HPSE2: variants seen among roughly 807,000 people sequenced by gnomAD.
HPSE2 encodes heparanase 2 (inactive).
A neutral mutation model predicts 60.5 loss-of-function variants in HPSE2; 38 were observed. The ratio of observed to expected loss-of-function variants is 0.63; its 90% CI spans 0.48 to 0.82. The LOEUF is 0.82. HPSE2 is among the 40% of genes least tolerant of loss of function. The probability of loss-of-function intolerance (pLI) is 0.00; values close to 1 mark genes in which losing one functional copy is unlikely to be tolerated. For synonymous variants in HPSE2, 295 were observed against 293.2 expected (o/e 1.01, Z -0.06); for missense variants, 713 against 740.4 (o/e 0.96, Z 0.43).
chr10:98,877,127 C>T (rs1357207888), intron 3 of HPSE2, among the ~76,000 whole-genome samples: 2 of 151,776 alleles, frequency 1.3e-5, no homozygotes, highest in African/African-American at 2.4e-5. Context: ...AATGAATGAG[C>T]GTCCTTCGTT....
At chr10:99,050,971 GTA>G (rs1407371981) in intron 3 of HPSE2, among the ~76,000 whole-genome samples, 1 of 152,054 alleles carries the variant, frequency 6.6e-6, no homozygotes, top group African/African-American at 2.4e-5. Flanking sequence ...GTGTGTGTGT[GTA>G]TGGAAAAAAT....
the HPSE2 span, among the ~76,000 whole-genome samples, chr10:99,310,023 T>C: frequency 6.6e-6 from 1 of 152,222 alleles, no homozygotes; most frequent in African/African-American, 2.4e-5. Context: ...GGGAAAATTC[T>C]TTATCTCTTC....
chr10:98,586,868 A>G (rs545170413), intron 9 of HPSE2, among the ~76,000 whole-genome samples: 2 of 152,332 alleles, frequency 1.3e-5, no homozygotes, highest in East Asian at 3.9e-4. Flanking sequence ...ATTGGCGCAG[A>G]GGAATAATGG....
intron 3 of HPSE2, among the ~76,000 whole-genome samples, chr10:98,909,275 G>A (rs1326282596): frequency 1.3e-5 from 2 of 151,198 alleles, no homozygotes; most frequent in Non-Finnish European, 2.9e-5. Flanking sequence ...TTCTTTTCCT[G>A]TATTTTCCAA....
the HPSE2 span, among the ~76,000 whole-genome samples, chr10:99,244,857 T>C: frequency 6.6e-6 from 1 of 152,120 alleles, no homozygotes; most frequent in African/African-American, 2.4e-5. Context: ...ATATTTTACT[T>C]CTGCTTGAAT....
chr10:98,484,968 G>A (rs1425505535), intron 10 of HPSE2, among the ~76,000 whole-genome samples: 1 of 152,200 alleles, frequency 6.6e-6, no homozygotes, highest in East Asian at 1.9e-4. Flanking sequence ...CTTCAAAGGA[G>A]GAGTTCAGAG....
chr10:98,600,913 A>ATATATGTGTGTGTGTATG (rs1381527658), intron 9 of HPSE2, among the ~76,000 whole-genome samples: 1 of 29,594 alleles, frequency 3.4e-5, no homozygotes, highest in Non-Finnish European at 9.3e-5. Flanking sequence ...GTGTGTGTGT[A>ATATATGTGTGTGTGTATG]TATATATATA....
At chr10:99,177,054 T>C (rs1347941221) in intron 2 of HPSE2, among the ~76,000 whole-genome samples, 1 of 152,072 alleles carries the variant, frequency 6.6e-6, no homozygotes, top group African/African-American at 2.4e-5. Flanking sequence ...TAAAATCCTT[T>C]ACAAACAAGC....
chr10:98,721,716 G>A lies in HPSE2; in HGVS notation c.897C>T (p.Ala299=), dbSNP rs750533272. Residue 299 remains alanine, a synonymous_variant, in exon 5 of 12, where the codon GCC becomes GCT. Transcript: ENST00000370552. ...GCCCAATATTAGGGCCATATAAGCT[G>A]GCTCTGGAATAAATCCGGATGGGCT... The part of the protein sequence containing the change: ...LLQPIRIYSR[A]SLYGPNIGRP... 3.1e-6 allele frequency: 5 copies of A among 1,613,762 alleles called. No individual in the cohort carries two copies. In the South Asian group the frequency reaches 5.5e-5, roughly 18 times the overall value.
At chr10:98,743,578 CA>C (rs1371222959) in intron 4 of HPSE2, among the ~76,000 whole-genome samples, 1 of 152,200 alleles carries the variant, frequency 6.6e-6, no homozygotes, top group Non-Finnish European at 1.5e-5. Flanking sequence ...TCAGGCTGTG[CA>C]AACAGGTTAT....
At chr10:98,508,216 T>C (rs1468977505) in intron 9 of HPSE2, among the ~76,000 whole-genome samples, 1 of 152,242 alleles carries the variant, frequency 6.6e-6, no homozygotes, top group Non-Finnish European at 1.5e-5. Context: ...GGAAAACTAA[T>C]AGCAGATGAC....
chr10:98,472,244 C>G (rs1463393203), intron 11 of HPSE2, among the ~76,000 whole-genome samples: 2 of 151,884 alleles, frequency 1.3e-5, no homozygotes, highest in African/African-American at 4.8e-5. Context: ...TTTACAGTGT[C>G]TATTTCGGCC....
At chr10:98,816,851 G>T (rs1951301939) in intron 3 of HPSE2, among the ~76,000 whole-genome samples, 1 of 151,954 alleles carries the variant, frequency 6.6e-6, no homozygotes, top group Non-Finnish European at 1.5e-5. Context: ...TATTTCCTTT[G>T]ACCTCCGTGT....
chr10:99,274,670 C>T, the HPSE2 span, among the ~76,000 whole-genome samples: 1 of 152,122 alleles, frequency 6.6e-6, no homozygotes, highest in Non-Finnish European at 1.5e-5. Context: ...GAGAACATTT[C>T]CAGGAGCAGC....
chr10:99,289,553 G>C, the HPSE2 span, among the ~76,000 whole-genome samples: 1 of 151,816 alleles, frequency 6.6e-6, no homozygotes, highest in South Asian at 2.1e-4. Flanking sequence ...TCAGTGCCAA[G>C]AGTATTTTAA....
At chr10:98,497,436 A>G (rs188643135) in intron 9 of HPSE2, among the ~76,000 whole-genome samples, 1 of 152,304 alleles carries the variant, frequency 6.6e-6, no homozygotes, top group Admixed American at 6.5e-5. Context: ...AACAATATAT[A>G]TAATTCTGTG....
chr10:98,883,414 C>T (rs763806031), intron 3 of HPSE2, among the ~76,000 whole-genome samples: 3 of 152,068 alleles, frequency 2.0e-5, no homozygotes, highest in Non-Finnish European at 4.4e-5. Flanking sequence ...AAAACATAGA[C>T]ATTCACTGTA....
At chr10:98,936,950 A>G (rs2862504) in intron 3 of HPSE2, among the ~76,000 whole-genome samples, 85,914 of 119,352 alleles carry the variant, frequency 0.72, 33,908 homozygotes, top group East Asian at 0.84. Context: ...CTACACTCCA[A>G]ACTGGGCGAC....
intron 3 of HPSE2, among the ~76,000 whole-genome samples, chr10:98,818,811 T>C (rs913298050): frequency 1.3e-5 from 2 of 152,178 alleles, no homozygotes; most frequent in African/African-American, 4.8e-5. Flanking sequence ...GGCTTTTAAT[T>C]CTATGTTCAT....
Sources: allele counts gnomAD v4.1 joint callset (sites outside exome capture counted in the v4.1 genomes callset), GRCh38; gene constraint gnomAD v4.1.1; transcripts MANE v1.5; gene names NCBI Gene and HGNC (gene_info 2026-07-23, HGNC 2026-07-21).